ASTN2: variants seen among roughly 807,000 people sequenced by gnomAD.
ASTN2 encodes the protein astrotactin-2.
A neutral mutation model predicts 139.8 loss-of-function variants in ASTN2; 54 were observed. The ratio of observed to expected loss-of-function variants is 0.39; its 90% CI spans 0.31 to 0.48. The LOEUF is 0.48. ASTN2 is among the 20% of genes least tolerant of loss of function. ASTN2 has a pLI of 0.95. For synonymous variants in ASTN2, 756 were observed against 719.5 expected (o/e 1.05, Z -0.81); for missense variants, 1,565 against 1,725.1 (o/e 0.91, Z 1.64).
chr9:116,603,673 G>A (rs1031398052), intron 19 of ASTN2, among the ~76,000 whole-genome samples: 2 of 152,206 alleles, frequency 1.3e-5, no homozygotes, highest in Non-Finnish European at 2.9e-5. Context: ...ATAGACACAA[G>A]GTAGTATAGA....
At chr9:116,455,360 AAAAAAG>A (rs1334958991) in intron 20 of ASTN2, among the ~76,000 whole-genome samples, 4 of 151,680 alleles carry the variant, frequency 2.6e-5, no homozygotes, top group Non-Finnish European at 5.9e-5. Context: ...AAAAAAAAAA[AAAAAAG>A]AAAAGAAAAG....
At chr9:116,842,290 C>T (rs764988899) in intron 11 of ASTN2, among the ~76,000 whole-genome samples, 1 of 152,126 alleles carries the variant, frequency 6.6e-6, no homozygotes, top group Non-Finnish European at 1.5e-5. Context: ...TATTATGCAC[C>T]TACCATAAGC....
intron 19 of ASTN2, among the ~76,000 whole-genome samples, chr9:116,576,603 A>G (rs1853731328): frequency 6.6e-6 from 1 of 152,178 alleles, no homozygotes; most frequent in Non-Finnish European, 1.5e-5. Flanking sequence ...GCTTCAGGAC[A>G]GGATTACAGC....
At chr9:116,858,383 G>A (rs187137117) in intron 11 of ASTN2, among the ~76,000 whole-genome samples, 31 of 152,164 alleles carry the variant, frequency 2.0e-4, no homozygotes, top group Non-Finnish European at 4.4e-5. Flanking sequence ...TAATCAAAAG[G>A]CTTCCTGTGC....
chr9:116,921,400 AAC>A (rs3983293), intron 10 of ASTN2, among the ~76,000 whole-genome samples: 67,644 of 151,588 alleles, frequency 0.45, 18,005 homozygotes, highest in Non-Finnish European at 0.6. Context: ...AATACTGACT[AAC>A]ACGGTGAAAC....
chr9:116,830,709 T>C (rs1831784565), intron 11 of ASTN2, among the ~76,000 whole-genome samples: 1 of 150,500 alleles, frequency 6.6e-6, no homozygotes, highest in African/African-American at 2.4e-5. Flanking sequence ...GGAGAATCAC[T>C]TGAACCCAGG....
intron 3 of ASTN2, among the ~76,000 whole-genome samples, chr9:117,177,419 T>A (rs1830944173): frequency 6.6e-6 from 1 of 152,172 alleles, no homozygotes; most frequent in Admixed American, 6.6e-5. Flanking sequence ...GGTGTTAATG[T>A]CATCAAGGCA....
At chr9:116,511,837 A>G (rs1329722545) in intron 19 of ASTN2, among the ~76,000 whole-genome samples, 2 of 151,856 alleles carry the variant, frequency 1.3e-5, no homozygotes, top group Non-Finnish European at 2.9e-5. Context: ...TCTCTGTGGG[A>G]TTGGTGGTGA....
intron 19 of ASTN2, among the ~76,000 whole-genome samples, chr9:116,596,572 C>T (rs1854588937): frequency 6.6e-6 from 1 of 152,108 alleles, no homozygotes; most frequent in South Asian, 2.1e-4. Context: ...TCATCAGTAT[C>T]TATATATTAA....
chr9:116,637,923 G>C (rs1425950563), intron 17 of ASTN2, among the ~76,000 whole-genome samples: 5 of 152,190 alleles, frequency 3.3e-5, no homozygotes, highest in Admixed American at 6.5e-5. Flanking sequence ...CTGGGTGACA[G>C]AGTGAGACCT....
At chr9:116,652,921 C>A (rs1858001245) in intron 16 of ASTN2, among the ~76,000 whole-genome samples, 1 of 152,230 alleles carries the variant, frequency 6.6e-6, no homozygotes, top group Non-Finnish European at 1.5e-5. Context: ...CTTTTCCCCT[C>A]TGCCTCTCCA....
At chr9:117,349,736 G>C (rs144565880) in intron 1 of ASTN2, among the ~76,000 whole-genome samples, 2 of 152,108 alleles carry the variant, frequency 1.3e-5, no homozygotes, top group Non-Finnish European at 2.9e-5. Flanking sequence ...AATGGACACT[G>C]CCCCAAATAA....
At chr9:116,965,435 C>T (rs1247233191) in intron 10 of ASTN2, among the ~76,000 whole-genome samples, 1 of 152,120 alleles carries the variant, frequency 6.6e-6, no homozygotes, top group Non-Finnish European at 1.5e-5. Flanking sequence ...AAAGGAGACT[C>T]AGGGAAGAGA....
intron 5 of ASTN2, among the ~76,000 whole-genome samples, chr9:117,044,620 T>C (rs910920202): frequency 6.6e-6 from 1 of 152,208 alleles, no homozygotes; most frequent in Non-Finnish European, 1.5e-5. Flanking sequence ...GGCTTCTTAC[T>C]GCACTGCTGT....
intron 10 of ASTN2, among the ~76,000 whole-genome samples, chr9:116,894,458 A>G (rs1485381245): frequency 3.9e-5 from 6 of 152,210 alleles, no homozygotes; most frequent in African/African-American, 1.4e-4. Context: ...AATCCTGATG[A>G]TAGATAAAAT....
At chr9:117,397,051 C>T (rs1289812674) in intron 1 of ASTN2, among the ~76,000 whole-genome samples, 2 of 150,706 alleles carry the variant, frequency 1.3e-5, no homozygotes, top group African/African-American at 4.9e-5. Flanking sequence ...AAGCAATTCT[C>T]CTGCTTCAGC....
chr9:117,194,069 C>T (rs1831424405), intron 3 of ASTN2, among the ~76,000 whole-genome samples: 1 of 152,110 alleles, frequency 6.6e-6, no homozygotes, highest in Non-Finnish European at 1.5e-5. Context: ...GAGCACATTT[C>T]ATAAGAGCAA....
chr9:116,617,955 G>A (rs1347930606), intron 19 of ASTN2, among the ~76,000 whole-genome samples: 1 of 152,108 alleles, frequency 6.6e-6, no homozygotes, highest in Non-Finnish European at 1.5e-5. Flanking sequence ...AAAGCCAATT[G>A]TGTGAATTTC....
intron 13 of ASTN2, among the ~76,000 whole-genome samples, chr9:116,761,037 G>A (rs1020176396): frequency 9.9e-5 from 15 of 152,176 alleles, no homozygotes; most frequent in Non-Finnish European, 1.6e-4. Flanking sequence ...TCTGGCTGGC[G>A]CCTCCCATGC....
Sources: gnomAD v4.1 joint callset for allele counts (sites outside exome capture counted in the v4.1 genomes callset) on GRCh38, gnomAD v4.1.1 for gene constraint, MANE v1.5 for transcripts, NCBI Gene and HGNC (gene_info 2026-07-23, HGNC 2026-07-21) for gene names.